SERTAD2: variants seen among roughly 807,000 people sequenced by gnomAD.
SERTAD2 encodes the protein SERTA domain containing 2.
Under a neutral mutation model 15.4 loss-of-function variants are expected in SERTAD2, and 2 were observed. The observed-to-expected ratio is 0.13, with a 90% CI of 0.05 to 0.41. SERTAD2 has a LOEUF of 0.41. Ranked by LOEUF, SERTAD2 falls within the 10% of genes least tolerant of loss-of-function variation. The probability of loss-of-function intolerance (pLI) is 0.99; values close to 1 mark genes in which losing one functional copy is unlikely to be tolerated. For synonymous variants in SERTAD2, 180 were observed against 178.0 expected (o/e 1.01, Z -0.09); for missense variants, 333 against 409.7 (o/e 0.81, Z 1.62).
At chr2:64,645,261 T>G (rs1674875795) in intron 1 of SERTAD2, among the ~76,000 whole-genome samples, 1 of 152,300 alleles carries the variant, frequency 6.6e-6, no homozygotes, top group South Asian at 2.1e-4. Flanking sequence ...GCTCTCCCGC[T>G]GCGCACCGGC....
intron 1 of SERTAD2, among the ~76,000 whole-genome samples, chr2:64,637,660 G>C (rs1039833992): frequency 1.3e-5 from 2 of 152,134 alleles, no homozygotes; most frequent in African/African-American, 2.4e-5. Context: ...TTGCTGTTTG[G>C]GTACTCGAGA....
intron 1 of SERTAD2, among the ~76,000 whole-genome samples, chr2:64,653,208 A>T (rs1675052131): frequency 1.3e-5 from 2 of 152,210 alleles, no homozygotes; most frequent in Non-Finnish European, 2.9e-5. Flanking sequence ...TCAAAAGTGA[A>T]GCAGCCTTCG....
chr2:64,638,053 CA>C (rs1243128793), intron 1 of SERTAD2, among the ~76,000 whole-genome samples: 1 of 152,322 alleles, frequency 6.6e-6, no homozygotes, highest in African/African-American at 2.4e-5. Context: ...GTGTTCGGAC[CA>C]GGATCGTGGT....
rs1674631217 is a variant in SERTAD2 at position 64,635,235 on chromosome 2, TA to T, written c.*691del. 6.5e-6 allele frequency: 1 copy of T among 152,672 alleles called. No homozygotes were observed. Among genetic ancestry groups the T allele is most frequent in the Non-Finnish European group, 1.5e-5 (1 of 68,042 alleles). The allele number at this position is 152,672 out of a possible 1,614,324, so 9.5% of individuals were successfully genotyped here. A position where few individuals can be genotyped will look rare whatever the true frequency, so the allele number is the denominator to read the frequency against. On this transcript the variant is annotated 3_prime_UTR_variant, in exon 2 of 2. Coordinates refer to ENST00000313349, the MANE Select transcript of SERTAD2 (RefSeq NM_014755.3). ...ACACATATAAAACATTACAACTCTA[TA>T]AAAGTACAAGTGCAACTTGTACATC...
At chr2:64,645,167 C>T (rs1674872625) in intron 1 of SERTAD2, among the ~76,000 whole-genome samples, 1 of 152,156 alleles carries the variant, frequency 6.6e-6, no homozygotes, top group South Asian at 2.1e-4. Flanking sequence ...AAGCCAGTCA[C>T]TAGATCAAGC....
intron 1 of SERTAD2, chr2:64,645,032 G>C (rs1398160056): frequency 1.3e-5 from 1 of 79,750 alleles, no homozygotes; most frequent in Non-Finnish European, 2.7e-5. Flanking sequence ...TATGGATCGG[G>C]ATGCTTTAAA....
intron 1 of SERTAD2, among the ~76,000 whole-genome samples, chr2:64,645,590 T>A (rs1417290931): frequency 2.6e-5 from 4 of 152,218 alleles, no homozygotes. Context: ...AATATAAACT[T>A]TTCTCCTAGT....
At chr2:64,643,546 G>C (rs1013045755) in intron 1 of SERTAD2, among the ~76,000 whole-genome samples, 5 of 152,234 alleles carry the variant, frequency 3.3e-5, no homozygotes, top group African/African-American at 9.6e-5. Context: ...CAGGAAAAAG[G>C]CTCCTCATTC....
rs1463115372 is a variant in SERTAD2 at position 64,635,920 on chromosome 2, C to G, written c.*7G>C. On this transcript the variant is annotated 3_prime_UTR_variant, in exon 2 of 2. Coordinates refer to ENST00000313349, the MANE Select transcript of SERTAD2 (RefSeq NM_014755.3). ...CTGGGTGGGCATAGTCGCTGGGTCC[C>G]TGGGTCTTAGGACCCAACAAGCACC... The G allele has an allele frequency of 6.3e-7, 1 of 1,599,748 alleles. No individual in the cohort carries two copies. Among genetic ancestry groups the G allele is most frequent in the Non-Finnish European group, 8.6e-7 (1 of 1,167,622 alleles).
intron 1 of SERTAD2, among the ~76,000 whole-genome samples, chr2:64,651,569 T>C (rs1356289151): frequency 6.6e-6 from 1 of 152,250 alleles, no homozygotes; most frequent in Non-Finnish European, 1.5e-5. Flanking sequence ...GCTATTTTAC[T>C]AGGCTCATTA....
intron 1 of SERTAD2, among the ~76,000 whole-genome samples, chr2:64,638,970 G>C (rs1674716652): frequency 6.6e-6 from 1 of 152,158 alleles, no homozygotes; most frequent in Non-Finnish European, 1.5e-5. Flanking sequence ...AGGTACTACT[G>C]GACAACTGGG....
chr2:64,652,956 G>C (rs1222511527), intron 1 of SERTAD2, among the ~76,000 whole-genome samples: 1 of 152,146 alleles, frequency 6.6e-6, no homozygotes, highest in Non-Finnish European at 1.5e-5. Flanking sequence ...GGGACAGCTG[G>C]CTCCCCTCAG....
rs920398472 is a variant in SERTAD2, at chr2:64,644,189, T to G, written c.-4-7314A>C. On this transcript the variant is annotated intron_variant, in intron 1 of 1. Transcript: ENST00000313349. ...GCCCTAAGTGGAAACACATTCATAC[T>G]CCTGGTGTCTTTTGGTGGTGGTGGT... 2.6e-5 allele frequency among the ~76,000 whole-genome samples: 4 copies of G among 152,340 alleles called. No homozygotes were observed. The East Asian group carries it at 7.7e-4, about 29-fold the overall frequency.
rs1198835829 is a variant in SERTAD2, at chr2:64,636,145, G to C, written c.727C>G (p.Leu243Val). 2 of 1,614,086 alleles carry C rather than the reference G, an allele frequency of 1.2e-6. No homozygotes were observed. The highest frequency in any genetic ancestry group is 4.5e-5 in the East Asian group (2 of 44,900). ...TSTGFLTDLT[L>V]DDILFADIDT... is the part of the protein sequence containing the mutation. ...ATGTCAGCAAACAGGATGTCATCCA[G>C]GGTCAAGTCTGTCAGGAAACCCGTG... Residue 243 changes from leucine (L) to valine (V), a missense_variant, in exon 2 of 2, where the codon CTG becomes GTG. By Grantham distance (32) the Leu-to-Val change is conservative. Around this residue, in one of 2 missense-constraint regions of SERTAD2, gnomAD observed 332 missense variants for 392.9 expected, o/e 0.84. Transcript: ENST00000313349.
rs945556699 is a variant in SERTAD2, at chr2:64,635,885, G to A, written c.*42C>T. The stretch of plus-strand genomic sequence containing the variant: ...GGAGAACTGTCAGGGTTATGGGAAC[G>A]CTCTGGGGTCTGGGTGGGCATAGTC... On this transcript the variant is annotated 3_prime_UTR_variant, in exon 2 of 2. Coordinates refer to ENST00000313349, the MANE Select transcript of SERTAD2 (RefSeq NM_014755.3). The A allele has an allele frequency of 6.1e-6, 9 of 1,468,826 alleles. No individual in the cohort carries two copies. Among genetic ancestry groups the A allele is most frequent in the Admixed American group, 1.7e-5 (1 of 57,194 alleles). The allele number at this position is 1,468,826 out of a possible 1,614,324, so 91.0% of individuals were successfully genotyped here. A position where few individuals can be genotyped will look rare whatever the true frequency, so the allele number is the denominator to read the frequency against.
At chr2:64,653,052 A>G (rs1675047253) in intron 1 of SERTAD2, among the ~76,000 whole-genome samples, 1 of 152,204 alleles carries the variant, frequency 6.6e-6, no homozygotes, top group East Asian at 1.9e-4. Context: ...TAAGTTTAAT[A>G]TACATGTAGA....
In SERTAD2 at chr2:64,632,833, G is replaced by A. The variant is rs1674565924; in HGVS notation, c.*3094C>T. On this transcript the variant is annotated 3_prime_UTR_variant, in exon 2 of 2. Coordinates refer to ENST00000313349, the MANE Select transcript of SERTAD2 (RefSeq NM_014755.3). ...ACGATCCAGATGTTAGCGCTCCACA[G>A]TAAAATAAATATATTTACACAGAAA... is the stretch of plus-strand genomic sequence containing the variant. 1 of 152,380 alleles carries A rather than the reference G, an allele frequency of 6.6e-6. No homozygotes were observed. The highest frequency in any genetic ancestry group is 1.5e-5 in the Non-Finnish European group (1 of 68,006). 9.4% of individuals were successfully genotyped at this position (152,380 alleles called of 1,614,324 possible).
rs144576969 is a variant in SERTAD2, at chr2:64,645,452, T to A, written c.-5+8168A>T. On this transcript the variant is annotated intron_variant, in intron 1 of 1. Transcript: ENST00000313349. ...CAGGAAGTCAAGCCCCAAGTAAATTTAAGAAACAACTTTTACTGTTTGGGG... is the reference window on the plus strand; with the variant it reads ...CAGGAAGTCAAGCCCCAAGTAAATTAAAGAAACAACTTTTACTGTTTGGGG... Among the ~76,000 whole-genome samples, 1,039 of 152,340 alleles carry A rather than the reference T, an allele frequency of 6.8e-3. 13 individuals carry two copies. Among genetic ancestry groups the A allele is most frequent in the African/African-American group, 0.022 (918 of 41,574 alleles).
At position 64,636,557 on chromosome 2, in the gene SERTAD2, C is replaced by T. The variant is rs771015726; in HGVS notation, c.315G>A (p.Pro105=). ...ACGGGGACGCCAGGTGGCTGAAGGC[C>T]GGCGGGGCCTCTCGGTAGCTGTCGC... The part of the protein sequence containing the change: ...EPSDSYREAP[P]AFSHLASPSS... The change falls in exon 2 of 2, where the codon CCG becomes CCA. Residue 105 remains proline (P), a synonymous_variant. Coordinates refer to ENST00000313349, the MANE Select transcript of SERTAD2 (RefSeq NM_014755.3). 23 of 1,587,166 alleles carry T rather than the reference C, an allele frequency of 1.4e-5. No homozygotes were observed. The highest frequency in any genetic ancestry group is 2.3e-5 in the South Asian group (2 of 88,096).
Sources: gnomAD v4.1 joint callset for allele counts (sites outside exome capture counted in the v4.1 genomes callset) on GRCh38, gnomAD v4.1.1 for gene constraint, gnomAD v4.1.1 regional missense constraint, MANE v1.5 for transcripts, NCBI Gene and HGNC (gene_info 2026-07-23, HGNC 2026-07-21) for gene names.